TET3: variants seen among roughly 807,000 people sequenced by gnomAD.
TET3 encodes the protein methylcytosine dioxygenase TET3.
A neutral mutation model predicts 141.4 loss-of-function variants in TET3; 19 were observed. That is an observed-to-expected ratio of 0.13 (90% CI 0.09 to 0.20). TET3 has a LOEUF of 0.20. TET3 is among the 10% of genes least tolerant of loss of function. The pLI, the probability that TET3 is intolerant of heterozygous loss-of-function variation, is 1.00. For missense variants in TET3, 1,874 were observed against 2,356.9 expected (o/e 0.80, Z 4.24); for synonymous variants, 1,043 against 980.9 (o/e 1.06, Z -1.18).
intron 6 of TET3, among the ~76,000 whole-genome samples, chr2:74,085,236 A>C (rs1041689529): frequency 2.0e-5 from 3 of 151,882 alleles, no homozygotes; most frequent in Non-Finnish European, 2.9e-5. Flanking sequence ...TTTCTTCAAA[A>C]TTGGAAGAAT....
intron 4 of TET3, among the ~76,000 whole-genome samples, chr2:74,056,547 A>G (rs1470510541): frequency 6.6e-6 from 1 of 152,174 alleles, no homozygotes; most frequent in Admixed American, 6.5e-5. Context: ...GGGGGGAAAA[A>G]AAGAACCACC....
rs1378304737 is a variant in TET3, at chr2:74,104,667, C to CT, written c.*2493dup. On this transcript the variant is annotated 3_prime_UTR_variant, in exon 12 of 12. Coordinates refer to ENST00000409262, the MANE Select transcript of TET3 (RefSeq NM_001287491.2). The stretch of plus-strand genomic sequence containing the variant: ...GAGTGTAACCCAGGTGATTCTGATA[C>CT]TTGGCATGTGTGAATCTTCCTGATG... 6.6e-6 allele frequency: 1 copy of CT among 152,582 alleles called. No homozygotes were observed. Among genetic ancestry groups the CT allele is most frequent in the Non-Finnish European group, 1.5e-5 (1 of 68,344 alleles). 9.5% of individuals were successfully genotyped at this position (152,582 alleles called of 1,614,324 possible).
chr2:73,994,346 G>GA lies in TET3; in HGVS notation c.303+7641dup, dbSNP rs1475126359. Among the ~76,000 whole-genome samples, 4 of 152,140 alleles carry GA rather than the reference G, an allele frequency of 2.6e-5. No individual in the cohort carries two copies. In the East Asian group the frequency reaches 7.7e-4, roughly 29 times the overall value. ...AAGAGGTCAGTTCCCTCACTGGAGG[G>GA]AGTATGCAGGAGTTTTATTAGTGGG... On this transcript the variant is annotated intron_variant, in intron 2 of 11. Coordinates refer to ENST00000409262, the MANE Select transcript of TET3 (RefSeq NM_001287491.2).
the TET3 span, chr2:74,135,485 G>A: frequency 2.1e-5 from 31 of 1,496,326 alleles, no homozygotes; most frequent in African/African-American, 8.3e-5. Context: ...ATATGGAAAT[G>A]TATATGAGCA....
At chr2:73,985,604 C>G (rs951988672) in intron 1 of TET3, among the ~76,000 whole-genome samples, 1 of 151,288 alleles carries the variant, frequency 6.6e-6, no homozygotes, top group African/African-American at 2.4e-5. Flanking sequence ...TCCCGCCGAG[C>G]GAGGCTCTCA....
At chr2:74,124,508 G>A in the TET3 span, among the ~76,000 whole-genome samples, 2 of 152,228 alleles carry the variant, frequency 1.3e-5, no homozygotes, top group African/African-American at 4.8e-5. Context: ...GGAAATGTGG[G>A]GAAAAGAGAT....
intron 6 of TET3, 86 bp downstream of exon 6, chr2:74,080,677 C>A: frequency 7.9e-6 from 9 of 1,140,180 alleles, no homozygotes; most frequent in African/African-American, 2.0e-5. Context: ...CCCCTTGCTG[C>A]ATGTAGCTGA....
intron 2 of TET3, among the ~76,000 whole-genome samples, chr2:73,994,657 G>A (rs933972994): frequency 7.4e-5 from 2 of 27,110 alleles, no homozygotes; most frequent in African/African-American, 2.4e-4. Context: ...TTTTTTTTTT[G>A]ATACGGAGTC....
chr2:74,100,602 G>A lies in TET3; in HGVS notation c.3814G>A (p.Val1272Ile), dbSNP rs778571119. The A allele has an allele frequency of 4.0e-5, 64 of 1,613,714 alleles. No individual in the cohort carries two copies. The highest frequency in any genetic ancestry group is 1.0e-4 in the Admixed American group (6 of 59,982). ...SYYAQPSLTS[V>I]NGFHSKYALP... is the part of the protein sequence containing the mutation. Reference sequence around the variant, plus strand: ...CTATGCACAGCCCAGCCTGACCTCCGTCAATGGCTTCCACTCCAAGTACGC... The same window carrying A: ...CTATGCACAGCCCAGCCTGACCTCCATCAATGGCTTCCACTCCAAGTACGC... The change falls in exon 12 of 12, where the codon GTC becomes ATC. Residue 1272 changes from valine (V) to isoleucine (I), a missense_variant. Physicochemically the swap from Val to Ile is conservative, Grantham distance 29 (BLOSUM62 3). Around this residue, in one of 10 missense-constraint regions of TET3, gnomAD observed 602 missense variants for 590.2 expected, o/e 1.02. Coordinates refer to ENST00000409262, the MANE Select transcript of TET3 (RefSeq NM_001287491.2).
At chr2:74,020,748 G>C (rs909706949) in intron 3 of TET3, among the ~76,000 whole-genome samples, 1 of 152,200 alleles carries the variant, frequency 6.6e-6, no homozygotes, top group South Asian at 2.1e-4. Context: ...CCCTGCTGTT[G>C]TTAAGCAGGG....
rs770424087 is a variant in TET3, at chr2:74,090,063, C to T, written c.3039+16C>T. The stretch of plus-strand genomic sequence containing the variant: ...TCCCAAAGAGGTGAGCAGAGCTGGG[C>T]GGGGACCCTGCCTCCCATCCTTTCT... On this transcript the variant is annotated intron_variant, in intron 8 of 11. Transcript: ENST00000409262. The T allele has an allele frequency of 3.7e-6, 6 of 1,611,966 alleles. No homozygotes were observed. Among genetic ancestry groups the T allele is most frequent in the East Asian group, 2.2e-5 (1 of 44,854 alleles).
At chr2:74,083,740 A>G (rs1689960166) in intron 6 of TET3, among the ~76,000 whole-genome samples, 1 of 152,154 alleles carries the variant, frequency 6.6e-6, no homozygotes, top group Non-Finnish European at 1.5e-5. Flanking sequence ...TGGGCCACAG[A>G]TAGCTGTCTG....
intron 3 of TET3, among the ~76,000 whole-genome samples, chr2:74,011,131 G>A (rs1002794291): frequency 7.3e-5 from 11 of 150,636 alleles, no homozygotes; most frequent in Middle Eastern, 3.4e-3. Flanking sequence ...AGGAGACTGA[G>A]GCAGGAGAAT....
At position 74,104,854 on chromosome 2, in the gene TET3, C is replaced by G; in HGVS notation, c.*2678C>G. ...GGAGATAGGCTGCTGAGAGGTGAGT[C>G]AAGAGGCAGTCTCCATTGGATGTCC... On this transcript the variant is annotated 3_prime_UTR_variant, in exon 12 of 12. Transcript: ENST00000409262. 1 of 259,572 alleles carries G rather than the reference C, an allele frequency of 3.9e-6. No homozygotes were observed. Among genetic ancestry groups the G allele is most frequent in the East Asian group, 7.0e-5 (1 of 14,288 alleles). The allele number at this position is 259,572 out of a possible 1,614,324, so 16.1% of individuals were successfully genotyped here. A position where few individuals can be genotyped will look rare whatever the true frequency, so the allele number is the denominator to read the frequency against.
chr2:74,037,811 TTCTTG>T (rs1380420740), intron 3 of TET3, among the ~76,000 whole-genome samples: 1 of 152,236 alleles, frequency 6.6e-6, no homozygotes, highest in Non-Finnish European at 1.5e-5. Context: ...CAAGATAACA[TTCTTG>T]TCTTCTCTCT....
intron 5 of TET3, among the ~76,000 whole-genome samples, chr2:74,079,595 A>G (rs1689694793): frequency 6.6e-6 from 1 of 152,012 alleles, no homozygotes; most frequent in Non-Finnish European, 1.5e-5. Context: ...TAAATAATAT[A>G]CTCCCTGTGG....
intron 8 of TET3, 57 bp from the exon 9 acceptor site, chr2:74,092,845 G>T (rs183052847): frequency 6.8e-7 from 1 of 1,466,432 alleles, no homozygotes; most frequent in East Asian, 2.5e-5. Context: ...CACTTCCAGG[G>T]TGCAGGGTCT....
At chr2:73,999,682 G>A (rs1684753719) in intron 2 of TET3, among the ~76,000 whole-genome samples, 1 of 152,154 alleles carries the variant, frequency 6.6e-6, no homozygotes, top group African/African-American at 2.4e-5. Flanking sequence ...GGGGAGGGGA[G>A]GGACCCTTGG....
At chr2:74,081,054 G>A (rs185791541) in intron 6 of TET3, among the ~76,000 whole-genome samples, 1 of 152,336 alleles carries the variant, frequency 6.6e-6, no homozygotes, top group East Asian at 1.9e-4. Context: ...AGACAAACCT[G>A]AAGGCTAGCA....
Sources: allele counts gnomAD v4.1 joint callset (sites outside exome capture counted in the v4.1 genomes callset), GRCh38; gene constraint gnomAD v4.1.1; regional missense constraint gnomAD v4.1.1; transcripts MANE v1.5; gene names NCBI Gene and HGNC (gene_info 2026-07-23, HGNC 2026-07-21).